PDE6C: variants seen among roughly 807,000 people sequenced by gnomAD.
PDE6C encodes the protein cone cGMP-specific 3',5'-cyclic phosphodiesterase subunit alpha'.
In PDE6C, 75 loss-of-function variants were observed where a neutral mutation model predicts 113.1. That is an observed-to-expected ratio of 0.66 (90% confidence interval 0.55 to 0.80). The LOEUF is 0.80. Among genes scored for constraint, PDE6C ranks in the 30% least tolerant of loss-of-function variants. The pLI is 0.00. For missense variants in PDE6C, 912 were observed against 1,038.6 expected, an observed-to-expected ratio of 0.88 and a Z score of 1.67; for synonymous variants, 375 against 363.7, an observed-to-expected ratio of 1.03 and a Z score of -0.35.
chr10:93,651,749 C>T (rs1412795161), intron 15 of PDE6C, among the ~76,000 whole-genome samples: 1 of 152,216 alleles, frequency 6.6e-6, no homozygotes, highest in Non-Finnish European at 1.5e-5. Flanking sequence ...TCTGCCTTCC[C>T]TCCTTCACTT....
chr10:93,631,141 A>G, intron 8 of PDE6C, among the ~76,000 whole-genome samples: 1 of 152,234 alleles, frequency 6.6e-6, no homozygotes. Context: ...GCCTGGGCAG[A>G]GAGGAGGCCT....
Position 93,635,466 on chromosome 10 carries a change from G to A in PDE6C, c.1270-31G>A, listed in dbSNP as rs969468562. ...CCAAACCAATTTTTCTTTCACTGAA[G>A]AGAATTAGAATCACCTTTTATCCAT... On this transcript the variant is annotated intron_variant, in intron 9 of 21. Transcript: ENST00000371447. 12 of 1,597,972 alleles carry A rather than the reference G, an allele frequency of 7.5e-6. No homozygotes were observed. In the African/African-American group the frequency reaches 1.2e-4, roughly 16 times the overall value.
At chr10:93,615,300 A>T (rs1414734410) in intron 1 of PDE6C, among the ~76,000 whole-genome samples, 1 of 152,208 alleles carries the variant, frequency 6.6e-6, no homozygotes, top group Non-Finnish European at 1.5e-5. Flanking sequence ...CAAAAAATAA[A>T]CACAATCCAC....
At chr10:93,631,744 A>G (rs1227444012) in intron 8 of PDE6C, among the ~76,000 whole-genome samples, 13 of 152,236 alleles carry the variant, frequency 8.5e-5, no homozygotes, top group African/African-American at 2.9e-4. Context: ...GATTCTTACG[A>G]TTCCTTTTTG....
At chr10:93,638,077 G>A (rs777479826) in intron 11 of PDE6C, among the ~76,000 whole-genome samples, 26 of 152,024 alleles carry the variant, frequency 1.7e-4, no homozygotes, top group Non-Finnish European at 2.9e-4. Flanking sequence ...GGATATTTAC[G>A]AAGACCCCAA....
At chr10:93,640,019 A>C in intron 11 of PDE6C, 51 bp from the exon 12 acceptor site, 1 of 1,606,636 alleles carries the variant, frequency 6.2e-7, no homozygotes, top group Non-Finnish European at 8.5e-7. Flanking sequence ...TGGGAGTGGA[A>C]AGGGAAAACA....
rs2058396965 is a variant in PDE6C at position 93,612,670 on chromosome 10, A to G, written c.-56A>G. 1.2e-6 allele frequency: 2 copies of G among 1,610,818 alleles called. No homozygotes were observed. Among genetic ancestry groups the G allele is most frequent in the Non-Finnish European group, 1.7e-6 (2 of 1,179,246 alleles). On this transcript the variant is annotated 5_prime_UTR_variant, in exon 1 of 22. Coordinates refer to ENST00000371447, the MANE Select transcript of PDE6C (RefSeq NM_006204.4). ...AATTTCCTTCTCATCACTCTGCCTC[A>G]GGTAGTGCTCTGAAGGTCGTCCTTT...
intron 8 of PDE6C, among the ~76,000 whole-genome samples, chr10:93,631,183 G>T (rs1035375825): frequency 6.6e-6 from 1 of 152,244 alleles, no homozygotes; most frequent in African/African-American, 2.4e-5. Context: ...GGAGTCCCCA[G>T]TGTGGGATAA....
At chr10:93,648,320 T>C (rs1018549596) in intron 15 of PDE6C, among the ~76,000 whole-genome samples, 2 of 152,226 alleles carry the variant, frequency 1.3e-5, no homozygotes, top group African/African-American at 4.8e-5. Flanking sequence ...AACCTGCTAA[T>C]TGCAGACTTT....
intron 15 of PDE6C, among the ~76,000 whole-genome samples, chr10:93,652,767 G>A (rs1290501894): frequency 6.6e-6 from 1 of 152,064 alleles, no homozygotes; most frequent in East Asian, 1.9e-4. Flanking sequence ...TTTACATTAA[G>A]CAATATGCAC....
intron 14 of PDE6C, among the ~76,000 whole-genome samples, chr10:93,641,381 C>T (rs1415110485): frequency 6.6e-6 from 1 of 152,164 alleles, no homozygotes; most frequent in East Asian, 1.9e-4. Context: ...ACCTGAAATC[C>T]CAGCACTTTG....
intron 4 of PDE6C, among the ~76,000 whole-genome samples, 184 bp downstream of exon 4, chr10:93,622,256 A>T (rs1589693563): frequency 6.6e-6 from 1 of 151,520 alleles, no homozygotes; most frequent in African/African-American, 2.4e-5. Flanking sequence ...TGGTTTTTCC[A>T]CTTCCTAGTA....
At chr10:93,644,432 A>G (rs993682879) in intron 14 of PDE6C, among the ~76,000 whole-genome samples, 7 of 152,176 alleles carry the variant, frequency 4.6e-5, no homozygotes, top group African/African-American at 1.4e-4. Flanking sequence ...AAATTGCTAC[A>G]TAATAGATAT....
chr10:93,660,355 T>G (rs543645880), intron 18 of PDE6C, among the ~76,000 whole-genome samples: 1 of 152,180 alleles, frequency 6.6e-6, no homozygotes, highest in Non-Finnish European at 1.5e-5. Context: ...CATGGAGAAA[T>G]AGAATTCAAC....
intron 16 of PDE6C, among the ~76,000 whole-genome samples, chr10:93,656,138 G>C (rs1369899021): frequency 6.6e-6 from 1 of 152,200 alleles, no homozygotes; most frequent in African/African-American, 2.4e-5. Context: ...GAACAGGTTT[G>C]AATTGCAGAA....
chr10:93,612,811 G>T lies in PDE6C; in HGVS notation c.86G>T (p.Arg29Leu). The change falls in exon 1 of 22, where the codon CGG becomes CTG. Residue 29 changes from arginine to leucine, a missense_variant. Coordinates refer to ENST00000371447, the MANE Select transcript of PDE6C (RefSeq NM_006204.4). Reference protein sequence around the residue: ...FAKEYFDRKLRVEVLGEIFKN... With the variant: ...FAKEYFDRKLLVEVLGEIFKN... ...AAGGAGTACTTTGACAGGAAGTTGC[G>T]GGTGGAGGTGCTGGGAGAAATCTTC... 6.2e-7 allele frequency: 1 copy of T among 1,614,176 alleles called. No individual in the cohort carries two copies. Among genetic ancestry groups the T allele is most frequent in the Non-Finnish European group, 8.5e-7 (1 of 1,180,032 alleles).
At chr10:93,662,438 GAGAC>G (rs1227259597) in intron 19 of PDE6C, 118 bp from the exon 20 acceptor site, 3 of 551,270 alleles carry the variant, frequency 5.4e-6, no homozygotes, top group Non-Finnish European at 3.3e-6. Flanking sequence ...ACCCAGACTG[GAGAC>G]AGAGTGAGAC....
chr10:93,656,907 A>T (rs2058640387), intron 16 of PDE6C, among the ~76,000 whole-genome samples: 1 of 152,134 alleles, frequency 6.6e-6, no homozygotes, highest in Non-Finnish European at 1.5e-5. Flanking sequence ...GTGAAGACAA[A>T]TACTAAGAAT....
chr10:93,636,602 A>C (rs2058532823), intron 10 of PDE6C, among the ~76,000 whole-genome samples: 1 of 151,468 alleles, frequency 6.6e-6, no homozygotes, highest in Non-Finnish European at 1.5e-5. Context: ...CAAACAACCC[A>C]CACCTCTTTA....
Sources: gnomAD v4.1 joint callset for allele counts (sites outside exome capture counted in the v4.1 genomes callset) on GRCh38, gnomAD v4.1.1 for gene constraint, MANE v1.5 for transcripts, NCBI Gene and HGNC (gene_info 2026-07-23, HGNC 2026-07-21) for gene names.